Variants in CCDC88C observed in about 807,000 individuals in gnomAD.
The protein encoded by CCDC88C is protein Daple.
In CCDC88C, 131 loss-of-function variants were observed where a neutral mutation model predicts 198.8. That is an observed-to-expected ratio of 0.66 (90% CI 0.57 to 0.76). The LOEUF is 0.76. CCDC88C is among the 30% of genes least tolerant of loss of function. CCDC88C has a pLI of 0.00. For synonymous variants in CCDC88C, 1,166 were observed against 1,114.7 expected (o/e 1.05, Z -0.92); for missense variants, 2,553 against 2,631.6 (o/e 0.97, Z 0.65).
At chr14:91,389,900 A>G (rs1380977556) in intron 3 of CCDC88C, among the ~76,000 whole-genome samples, 8 of 151,496 alleles carry the variant, frequency 5.3e-5, no homozygotes, top group African/African-American at 7.3e-5. Flanking sequence ...GTGAAACCCC[A>G]TCTCTACTAA....
At chr14:91,334,542 C>T (rs1369287292) in intron 10 of CCDC88C, among the ~76,000 whole-genome samples, 1 of 152,222 alleles carries the variant, frequency 6.6e-6, no homozygotes, top group African/African-American at 2.4e-5. Context: ...GCCACCACGC[C>T]TGGGCCACAG....
At chr14:91,277,648 T>C (rs933930251) in intron 29 of CCDC88C, among the ~76,000 whole-genome samples, 3 of 152,184 alleles carry the variant, frequency 2.0e-5, no homozygotes, top group Admixed American at 6.5e-5. Context: ...ATCCTAGCCC[T>C]GTAAGTCAGG....
Position 91,273,477 on chromosome 14 carries a change from C to G in CCDC88C, c.5235G>C (p.Leu1745=). 6.4e-7 allele frequency: 1 copy of G among 1,565,384 alleles called. No homozygotes were observed. The highest frequency in any genetic ancestry group is 8.7e-7 in the Non-Finnish European group (1 of 1,153,940). ...TTGGCTTTACGTACTGCCCGGGCTT[C>G]AGCGGCCTCCCCTCCGAGGTGGGGG... ...MAAPTSEGRP[L]KPGQYVKPNF... Residue 1745 remains leucine (L), a synonymous_variant, in exon 30 of 30, where the codon CTG becomes CTC. Transcript: ENST00000389857. The surrounding 1 kb of genome is among the most constrained non-coding windows in gnomAD (Gnocchi z 5.6).
At chr14:91,342,046 G>A (rs1893333989) in intron 6 of CCDC88C, 1 of 216,814 alleles carries the variant, frequency 4.6e-6, no homozygotes, top group Non-Finnish European at 9.2e-6. Flanking sequence ...CATTTTCAGG[G>A]CCTGTAAATC....
chr14:91,338,301 C>G lies in CCDC88C; in HGVS notation c.892-138G>C. On this transcript the variant is annotated intron_variant, in intron 9 of 29. Transcript: ENST00000389857. The surrounding 1 kb of genome is among the most constrained non-coding windows in gnomAD (Gnocchi z 4.8). ...CCTGGTGGCCGGGGGCCTCCATGTG[C>G]CACCACCACACGGGATCTCCACCTG... 1 of 1,084,038 alleles carries G rather than the reference C, an allele frequency of 9.2e-7. No homozygotes were observed. Among genetic ancestry groups the G allele is most frequent in the East Asian group, 2.5e-5 (1 of 39,346 alleles). 67.2% of individuals were successfully genotyped at this position (1,084,038 alleles called of 1,614,324 possible). A position where few individuals can be genotyped will look rare whatever the true frequency, so the allele number is the denominator to read the frequency against.
chr14:91,373,745 G>A (rs17725366), intron 3 of CCDC88C, among the ~76,000 whole-genome samples: 10,711 of 152,218 alleles, frequency 0.07, 537 homozygotes, highest in Non-Finnish European at 0.11. Context: ...CTAATATCTC[G>A]GCAGGAAGTG....
intron 4 of CCDC88C, among the ~76,000 whole-genome samples, chr14:91,348,502 C>T (rs998625518): frequency 5.9e-5 from 9 of 151,876 alleles, no homozygotes; most frequent in African/African-American, 1.5e-4. Flanking sequence ...AAACAAAAAA[C>T]ACCACAAAAA....
Position 91,408,642 on chromosome 14 carries a change from A to G in CCDC88C, c.270+17T>C, listed in dbSNP as rs535589575. ...ATGGACACACATCAGAATTCCCGAC[A>G]GCAGAACTGCCCTTACCTGGTAGTA... On this transcript the variant is annotated intron_variant, in intron 3 of 29. Coordinates refer to ENST00000389857, the MANE Select transcript of CCDC88C (RefSeq NM_001080414.4). The G allele has an allele frequency of 3.4e-6, 5 of 1,488,980 alleles. No individual in the cohort carries two copies. In the East Asian group the frequency reaches 9.0e-5, roughly 27 times the overall value. 92.2% of individuals were successfully genotyped at this position (1,488,980 alleles called of 1,614,324 possible).
intron 15 of CCDC88C, 45 bp from the exon 16 acceptor site, chr14:91,310,031 A>T (rs913081044): frequency 2.6e-6 from 4 of 1,520,244 alleles, no homozygotes; most frequent in African/African-American, 2.8e-5. Flanking sequence ...TCAGCAAAAC[A>T]CGCAGGAAGG....
intron 2 of CCDC88C, among the ~76,000 whole-genome samples, chr14:91,410,017 C>T (rs191035041): frequency 1.3e-5 from 2 of 152,272 alleles, no homozygotes; most frequent in East Asian, 3.9e-4. Flanking sequence ...TGTGGGGAAT[C>T]CCCGAAGTGT....
chr14:91,285,388 G>C (rs532067570), intron 25 of CCDC88C: 1 of 454,432 alleles, frequency 2.2e-6, no homozygotes, highest in African/African-American at 2.0e-5. Context: ...ACGGCCACTC[G>C]ACTTACTTAG....
chr14:91,352,908 G>A lies in CCDC88C; in HGVS notation c.340+6734C>T, dbSNP rs1383703842. Among the ~76,000 whole-genome samples the A allele has an allele frequency of 6.6e-6, 1 of 152,210 alleles. No homozygotes were observed. The highest frequency in any genetic ancestry group is 1.5e-5 in the Non-Finnish European group (1 of 68,042). On this transcript the variant is annotated intron_variant, in intron 4 of 29. Transcript: ENST00000389857. The surrounding 1 kb of genome is among the most constrained non-coding windows in gnomAD (Gnocchi z 4.2). ...GACTGTTCCTCACAAGCCGGACTCT[G>A]AGCCTGTGCCTGGGTTGCCAGGATG...
intron 22 of CCDC88C, among the ~76,000 whole-genome samples, chr14:91,295,380 A>T (rs1890956099): frequency 6.6e-6 from 1 of 152,254 alleles, no homozygotes; most frequent in Non-Finnish European, 1.5e-5. Flanking sequence ...TAGTCTCCCC[A>T]GTGTAGAGAA....
In CCDC88C at chr14:91,272,507, GA is replaced by G. The variant is rs553464275; in HGVS notation, c.*117del. On this transcript the variant is annotated 3_prime_UTR_variant, in exon 30 of 30. Transcript: ENST00000389857. ...CAGAACAAACAGCAGAAATGCGTGG[GA>G]ACCCCTTTCCTCATTCCAAACCCTC... 9.8e-3 allele frequency: 10,151 copies of G among 1,039,708 alleles called. 113 individuals carry two copies. Among genetic ancestry groups the G allele is most frequent in the South Asian group, 0.021 (1,361 of 65,158 alleles). The allele number at this position is 1,039,708 out of a possible 1,614,324, so 64.4% of individuals were successfully genotyped here. A position where few individuals can be genotyped will look rare whatever the true frequency, so the allele number is the denominator to read the frequency against.
chr14:91,382,059 C>T (rs538303069), intron 3 of CCDC88C, among the ~76,000 whole-genome samples: 1 of 152,216 alleles, frequency 6.6e-6, no homozygotes, highest in South Asian at 2.1e-4. Context: ...ATCTCAGCAG[C>T]CTTAGGTTTA....
At chr14:91,312,704 TA>T (rs746955359) in intron 15 of CCDC88C, among the ~76,000 whole-genome samples, 2 of 152,052 alleles carry the variant, frequency 1.3e-5, no homozygotes, top group Non-Finnish European at 2.9e-5. Flanking sequence ...AATAAATACA[TA>T]AACAAACAAA....
At chr14:91,376,364 A>G (rs1884412144) in intron 3 of CCDC88C, among the ~76,000 whole-genome samples, 1 of 151,836 alleles carries the variant, frequency 6.6e-6, no homozygotes, top group African/African-American at 2.4e-5. Flanking sequence ...GTGTTCATTC[A>G]CTCACCCAAC....
chr14:91,291,572 G>A (rs1400892199), intron 23 of CCDC88C, among the ~76,000 whole-genome samples: 1 of 152,078 alleles, frequency 6.6e-6, no homozygotes, highest in Non-Finnish European at 1.5e-5. Context: ...AAACTGAGAA[G>A]CTTTCAGGGG....
At chr14:91,370,982 G>A (rs1013144564) in intron 3 of CCDC88C, among the ~76,000 whole-genome samples, 5 of 152,316 alleles carry the variant, frequency 3.3e-5, no homozygotes, top group Non-Finnish European at 5.9e-5. Flanking sequence ...GGTGTCTGCT[G>A]AGTGCATGCC....
Sources: allele counts gnomAD v4.1 joint callset (sites outside exome capture counted in the v4.1 genomes callset), GRCh38; gene constraint gnomAD v4.1.1; non-coding constraint Gnocchi (gnomAD v3.1); transcripts MANE v1.5; gene names NCBI Gene and HGNC (gene_info 2026-07-23, HGNC 2026-07-21).